The following ENOPH1 variants were observed in gnomAD, a reference collection of about 807,000 sequenced individuals.
The protein encoded by ENOPH1 is enolase-phosphatase 1.
In ENOPH1, 14 loss-of-function variants were observed where a neutral mutation model predicts 31.1. The observed-to-expected ratio is 0.45, with a 90% CI of 0.30 to 0.70. The LOEUF (loss-of-function observed/expected upper bound fraction) is 0.70, where lower values mean the gene tolerates loss of function less well. Among genes scored for constraint, ENOPH1 ranks in the 30% least tolerant of loss-of-function variants. ENOPH1 has a pLI of 0.09. For synonymous variants in ENOPH1, 127 were observed against 123.2 expected (o/e 1.03, Z -0.21); for missense variants, 243 against 321.5 (o/e 0.76, Z 1.87).
At chr4:82,436,009 G>A (rs1721896015) in intron 1 of ENOPH1, among the ~76,000 whole-genome samples, 1 of 152,126 alleles carries the variant, frequency 6.6e-6, no homozygotes, top group Non-Finnish European at 1.5e-5. Context: ...TCAGACTGGA[G>A]GAAATAGAAA....
chr4:82,457,046 A>G lies in ENOPH1; in HGVS notation c.646+8A>G, dbSNP rs1300962783. The G allele has an allele frequency of 6.2e-7, 1 of 1,613,394 alleles. No homozygotes were observed. The highest frequency in any genetic ancestry group is 8.5e-7 in the Non-Finnish European group (1 of 1,179,660). ...TGACAGATGTTACTCGAGGTGAGTA[A>G]TAGACTTCTTATATTATATACTCCA... On this transcript the variant is annotated splice_region_variant and intron_variant, in intron 5 of 5. Transcript: ENST00000273920.
intron 1 of ENOPH1, among the ~76,000 whole-genome samples, chr4:82,432,478 G>A (rs1721797521): frequency 6.6e-6 from 1 of 152,198 alleles, no homozygotes; most frequent in Non-Finnish European, 1.5e-5. Flanking sequence ...TCCAGTAGCT[G>A]GGATTACAGA....
chr4:82,460,217 A>AT lies in ENOPH1; in HGVS notation c.*98dup, dbSNP rs1341301215. On this transcript the variant is annotated 3_prime_UTR_variant, in exon 6 of 6. Coordinates refer to ENST00000273920, the MANE Select transcript of ENOPH1 (RefSeq NM_021204.5). ...TAAAAGTAACTTACTTAAAAAACAT[A>AT]TGTACACATATGTATGCAAGTATGT... The AT allele has an allele frequency of 7.4e-6, 9 of 1,221,180 alleles. No individual in the cohort carries two copies. Among genetic ancestry groups the AT allele is most frequent in the Admixed American group, 1.9e-5 (1 of 52,034 alleles). The allele number at this position is 1,221,180 out of a possible 1,614,324, so 75.6% of individuals were successfully genotyped here.
At position 82,451,023 on chromosome 4, in the gene ENOPH1, A is replaced by C. The variant is rs1242447324; in HGVS notation, c.187-20A>C. 1 of 1,603,538 alleles carries C rather than the reference A, an allele frequency of 6.2e-7. No homozygotes were observed. Among genetic ancestry groups the C allele is most frequent in the South Asian group, 1.1e-5 (1 of 90,418 alleles). On this transcript the variant is annotated intron_variant, in intron 2 of 5. Coordinates refer to ENST00000273920, the MANE Select transcript of ENOPH1 (RefSeq NM_021204.5). ...TTTGAATAAGCAAAAAACAAACATC[A>C]TGTTGTTTCTGACTTAAAGGCTGAA... is the stretch of plus-strand genomic sequence containing the variant.
intron 1 of ENOPH1, among the ~76,000 whole-genome samples, chr4:82,435,506 C>A (rs933038625): frequency 6.6e-6 from 1 of 152,176 alleles, no homozygotes; most frequent in Non-Finnish European, 1.5e-5. Context: ...TAACAGTCCT[C>A]TTTATGTCCT....
At chr4:82,442,506 C>T (rs1339889639) in intron 1 of ENOPH1, among the ~76,000 whole-genome samples, 2 of 151,468 alleles carry the variant, frequency 1.3e-5, no homozygotes, top group Non-Finnish European at 1.5e-5. Flanking sequence ...GGTGACAGAG[C>T]GAGACTCTGT....
intron 1 of ENOPH1, among the ~76,000 whole-genome samples, chr4:82,447,441 A>G (rs965836520): frequency 6.6e-6 from 1 of 152,198 alleles, no homozygotes; most frequent in South Asian, 2.1e-4. Flanking sequence ...ATAATGTGGT[A>G]TGCATGGGGG....
chr4:82,457,078 G>T, intron 5 of ENOPH1, 40 bp downstream of exon 5: 2 of 1,586,940 alleles, frequency 1.3e-6, no homozygotes, highest in South Asian at 1.2e-5. Flanking sequence ...TCCAGGATAT[G>T]AACTGAGCCT....
Position 82,432,323 on chromosome 4 carries a change from T to C in ENOPH1, c.84+1410T>C, listed in dbSNP as rs888565818. Among the ~76,000 whole-genome samples, 4 of 152,162 alleles carry C rather than the reference T, an allele frequency of 2.6e-5. No individual in the cohort carries two copies. In the East Asian group the frequency reaches 7.7e-4, roughly 29 times the overall value. ...CATCTTAGCATAGGTTCAGAAGAAA[T>C]CGAGTTTAGCATTTTCTCCACGGTT... On this transcript the variant is annotated intron_variant, in intron 1 of 5. Coordinates refer to ENST00000273920, the MANE Select transcript of ENOPH1 (RefSeq NM_021204.5).
intron 1 of ENOPH1, among the ~76,000 whole-genome samples, chr4:82,443,175 G>A (rs917470529): frequency 2.0e-5 from 3 of 152,110 alleles, no homozygotes; most frequent in Non-Finnish European, 4.4e-5. Flanking sequence ...GGTGGCTCAT[G>A]CCTGTAATGC....
chr4:82,434,451 G>A (rs1163320306), intron 1 of ENOPH1, among the ~76,000 whole-genome samples: 1 of 152,130 alleles, frequency 6.6e-6, no homozygotes, highest in Admixed American at 6.5e-5. Context: ...CAGGCATGGT[G>A]GCTCATAATC....
chr4:82,444,486 G>A (rs1722131103), intron 1 of ENOPH1, among the ~76,000 whole-genome samples: 1 of 152,166 alleles, frequency 6.6e-6, no homozygotes, highest in African/African-American at 2.4e-5. Context: ...TTTCTTCAAA[G>A]GAGATGAATA....
intron 1 of ENOPH1, among the ~76,000 whole-genome samples, chr4:82,439,562 G>A (rs1460134582): frequency 6.6e-6 from 1 of 152,112 alleles, no homozygotes; most frequent in Non-Finnish European, 1.5e-5. Flanking sequence ...GAGATTCCAG[G>A]CATCTGACTC....
At chr4:82,452,639 T>C (rs1169033878) in intron 3 of ENOPH1, among the ~76,000 whole-genome samples, 1 of 151,956 alleles carries the variant, frequency 6.6e-6, no homozygotes, top group Non-Finnish European at 1.5e-5. Context: ...CAGGATGGAG[T>C]GCATTCACAC....
intron 5 of ENOPH1, among the ~76,000 whole-genome samples, chr4:82,457,861 A>G (rs545121840): frequency 1.3e-4 from 20 of 152,330 alleles, no homozygotes; most frequent in African/African-American, 4.8e-4. Context: ...TTAGCCACTT[A>G]ATTTTTGTAT....
At chr4:82,436,534 A>T (rs1328711439) in intron 1 of ENOPH1, among the ~76,000 whole-genome samples, 1 of 152,090 alleles carries the variant, frequency 6.6e-6, no homozygotes, top group Non-Finnish European at 1.5e-5. Flanking sequence ...AAAAATAAAA[A>T]AAGTTAGCCA....
chr4:82,443,443 T>A (rs890289419), intron 1 of ENOPH1, among the ~76,000 whole-genome samples: 2 of 144,326 alleles, frequency 1.4e-5, no homozygotes, highest in African/African-American at 2.6e-5. Context: ...AGCCCACCAA[T>A]GGGGGCTGGG....
At chr4:82,433,526 CTAT>C (rs1244266240) in intron 1 of ENOPH1, among the ~76,000 whole-genome samples, 1 of 152,000 alleles carries the variant, frequency 6.6e-6, no homozygotes, top group East Asian at 1.9e-4. Context: ...ATAATCTAAT[CTAT>C]TATTATAATT....
At chr4:82,452,825 C>A (rs777701469) in intron 3 of ENOPH1, among the ~76,000 whole-genome samples, 1 of 151,458 alleles carries the variant, frequency 6.6e-6, no homozygotes, top group African/African-American at 2.4e-5. Flanking sequence ...GAGCTCAGGG[C>A]AGTCCACCTA....
Sources: allele counts gnomAD v4.1 joint callset (sites outside exome capture counted in the v4.1 genomes callset), GRCh38; gene constraint gnomAD v4.1.1; transcripts MANE v1.5; gene names NCBI Gene and HGNC (gene_info 2026-07-23, HGNC 2026-07-21).